The following C12orf42 variants were observed in gnomAD, a reference collection of about 807,000 sequenced individuals.
The protein encoded by C12orf42 is chromosome 12 open reading frame 42, also known as uncharacterized protein C12orf42.
In C12orf42, 25 loss-of-function variants were observed where a neutral mutation model predicts 21.6. That is an observed-to-expected ratio of 1.16 (90% CI 0.84 to 1.62). The LOEUF (loss-of-function observed/expected upper bound fraction) is 1.62, where lower values mean the gene tolerates loss of function less well. Ranked by LOEUF, C12orf42 falls within the 40% of genes most tolerant of loss-of-function variation. C12orf42 has a pLI of 0.00. For missense variants in C12orf42, 483 were observed against 459.3 expected, an observed-to-expected ratio of 1.05 and a Z score of -0.47; for synonymous variants, 174 against 175.0, an observed-to-expected ratio of 0.99 and a Z score of 0.05.
In C12orf42 at chr12:103,368,602, T is replaced by C. The variant is rs376981321; in HGVS notation, c.259+285A>G. On this transcript the variant is annotated intron_variant, in intron 4 of 5. Coordinates refer to ENST00000548883, the MANE Select transcript of C12orf42 (RefSeq NM_198521.5). ...TATGCCTATAGCTGCCAGGGCATGT[T>C]ATTGCTATCCTTTTTGAAAACAAAC... 3.3e-3 allele frequency among the ~76,000 whole-genome samples: 499 copies of C among 152,206 alleles called. 3 individuals are homozygous for C. The highest frequency in any genetic ancestry group is 0.011 in the African/African-American group (474 of 41,556).
At chr12:103,280,615 T>C (rs927300395) in intron 4 of C12orf42, among the ~76,000 whole-genome samples, 3 of 150,634 alleles carry the variant, frequency 2.0e-5, no homozygotes, top group Non-Finnish European at 4.4e-5. Context: ...TGAGACTCCA[T>C]CTCCACACAA....
the C12orf42 span, among the ~76,000 whole-genome samples, chr12:103,092,600 T>C: frequency 6.6e-6 from 1 of 152,156 alleles, no homozygotes; most frequent in African/African-American, 2.4e-5. Flanking sequence ...TTGAATGACT[T>C]CAGTGCAACG....
At chr12:103,487,314 C>G (rs974927212) in intron 1 of C12orf42, among the ~76,000 whole-genome samples, 3 of 152,096 alleles carry the variant, frequency 2.0e-5, no homozygotes, top group Non-Finnish European at 4.4e-5. Context: ...ACTGTGGTCT[C>G]AGAGACAATT....
downstream of C12orf42, among the ~76,000 whole-genome samples, chr12:103,299,082 G>A (rs1224456447): frequency 6.6e-6 from 1 of 151,934 alleles, no homozygotes; most frequent in Non-Finnish European, 1.5e-5. Context: ...TATAGTTGTA[G>A]GTGGAACACA....
the C12orf42 span, among the ~76,000 whole-genome samples, chr12:103,082,825 T>A: frequency 1.5e-4 from 23 of 152,242 alleles, no homozygotes; most frequent in African/African-American, 5.5e-4. Flanking sequence ...GGTAGGTGAA[T>A]TTTGGCAGTA....
intron 2 of C12orf42, chr12:103,471,924 C>A (rs901068155): frequency 6.6e-6 from 1 of 152,072 alleles, no homozygotes; most frequent in Non-Finnish European, 1.5e-5. Context: ...TTTAAACATT[C>A]ACTTCACTAC....
Position 103,484,863 on chromosome 12 carries a change from GTT to G in C12orf42, c.-21-6418_-21-6417del, listed in dbSNP as rs56025837. ...GGTGTAAGGAAGGGATCTGGTTTCA[GTT>G]TTTTTTTTTTTTTTTTTTTTTTGAG... On this transcript the variant is annotated intron_variant, in intron 1 of 5. Coordinates refer to ENST00000548883, the MANE Select transcript of C12orf42 (RefSeq NM_198521.5). Among the ~76,000 whole-genome samples the G allele has an allele frequency of 3.3e-3, 236 of 71,676 alleles. 1 individual carries two copies. Among genetic ancestry groups the G allele is most frequent in the East Asian group, 9.2e-3 (20 of 2,172 alleles). The allele number at this position is 71,676 out of a possible 152,430, so 47.0% of individuals were successfully genotyped here. A position where few individuals can be genotyped will look rare whatever the true frequency, so the allele number is the denominator to read the frequency against.
At chr12:103,085,541 A>ATT in the C12orf42 span, among the ~76,000 whole-genome samples, 14 of 143,378 alleles carry the variant, frequency 9.8e-5, no homozygotes, top group East Asian at 2.2e-3. Context: ...GAATGAAAAG[A>ATT]TTTTTTTTTT....
chr12:103,358,954 T>C (rs571161897), intron 4 of C12orf42, among the ~76,000 whole-genome samples: 1 of 152,116 alleles, frequency 6.6e-6, no homozygotes. Context: ...AAACTCCCCA[T>C]TGTAACCTAG....
chr12:103,126,280 C>A, the C12orf42 span, among the ~76,000 whole-genome samples: 1 of 152,206 alleles, frequency 6.6e-6, no homozygotes, highest in South Asian at 2.1e-4. Flanking sequence ...CAAATGATGC[C>A]AAGACAGCTC....
the C12orf42 span, among the ~76,000 whole-genome samples, chr12:103,508,405 T>A: frequency 6.6e-6 from 1 of 152,298 alleles, no homozygotes; most frequent in East Asian, 1.9e-4. Flanking sequence ...AACATTTAAG[T>A]CATTGGAGGT....
rs201428492 is a variant in C12orf42, at chr12:103,302,563, G to T, written c.632-4C>A. On this transcript the variant is annotated splice_region_variant and splice_polypyrimidine_tract_variant and intron_variant, in intron 5 of 5. Coordinates refer to ENST00000548883, the MANE Select transcript of C12orf42 (RefSeq NM_198521.5). ...GTGGAAGGTCTGGCGGCAGAACCTG[G>T]AAGGCAAAGCAGGAAAGCAGGACAG... The T allele has an allele frequency of 3.1e-6, 5 of 1,601,352 alleles. No homozygotes were observed. In the Admixed American group the frequency reaches 8.4e-5, roughly 27 times the overall value.
chr12:103,356,573 A>G (rs1163284648), intron 4 of C12orf42, among the ~76,000 whole-genome samples: 2 of 151,724 alleles, frequency 1.3e-5, no homozygotes, highest in African/African-American at 4.8e-5. Flanking sequence ...TGGTATTTCT[A>G]GTTCTAGATC....
At chr12:103,525,717 A>G in the C12orf42 span, among the ~76,000 whole-genome samples, 1 of 152,196 alleles carries the variant, frequency 6.6e-6, no homozygotes, top group African/African-American at 2.4e-5. Context: ...AATTTTGTCA[A>G]TATGATGCAT....
intron 4 of C12orf42, among the ~76,000 whole-genome samples, chr12:103,315,332 T>C (rs530855902): frequency 3.3e-4 from 50 of 152,220 alleles, no homozygotes; most frequent in African/African-American, 9.9e-4. Context: ...ACAGAACAAG[T>C]AGACAACATA....
chr12:103,281,203 G>T (rs2136308221), intron 4 of C12orf42, among the ~76,000 whole-genome samples: 1 of 152,316 alleles, frequency 6.6e-6, no homozygotes, highest in African/African-American at 2.4e-5. Flanking sequence ...TTTGGGAAGA[G>T]AATTGAGATT....
In C12orf42 at chr12:103,302,082, C is replaced by T. The variant is rs924326599; in HGVS notation, c.*26G>A. ...GGCATTGATTTGAAGATGGGCAGCA[C>T]TCGCCGAACAATTCCCTCGCAGCGG... is the stretch of plus-strand genomic sequence containing the variant. On this transcript the variant is annotated 3_prime_UTR_variant, in exon 6 of 6. Coordinates refer to ENST00000548883, the MANE Select transcript of C12orf42 (RefSeq NM_198521.5). 3 of 1,594,098 alleles carry T rather than the reference C, an allele frequency of 1.9e-6. No individual in the cohort carries two copies. Among genetic ancestry groups the T allele is most frequent in the Non-Finnish European group, 2.6e-6 (3 of 1,170,224 alleles).
chr12:103,559,890 T>C, the C12orf42 span: 1 of 152,222 alleles, frequency 6.6e-6, no homozygotes, highest in Non-Finnish European at 1.5e-5. Flanking sequence ...TTATTGATTA[T>C]TATTCCCATG....
At chr12:103,310,827 G>C (rs910882724) in intron 4 of C12orf42, among the ~76,000 whole-genome samples, 6 of 152,158 alleles carry the variant, frequency 3.9e-5, no homozygotes, top group African/African-American at 1.2e-4. Flanking sequence ...AATTTAGCAG[G>C]CTTTCCCAAA....
Sources: gnomAD v4.1 joint callset for allele counts (sites outside exome capture counted in the v4.1 genomes callset) on GRCh38, gnomAD v4.1.1 for gene constraint, MANE v1.5 for transcripts, NCBI Gene and HGNC (gene_info 2026-07-23, HGNC 2026-07-21) for gene names.